The following CFAP95 variants were observed in gnomAD, a reference collection of about 807,000 sequenced individuals.
The protein encoded by CFAP95 is cilia and flagella associated protein 95.
chr9:69,868,598 C>T, the CFAP95 span, among the ~76,000 whole-genome samples: 212 of 147,312 alleles, frequency 1.4e-3, 1 homozygote, highest in South Asian at 2.8e-3. Flanking sequence ...GCAGAGGTTG[C>T]AGTGAGCTGA....
chr9:69,895,559 G>A, the CFAP95 span, among the ~76,000 whole-genome samples: 1 of 151,502 alleles, frequency 6.6e-6, no homozygotes. Context: ...GTATCCTTTC[G>A]GATTAAAGAC....
chr9:69,856,635 A>G, the CFAP95 span: 16 of 1,612,654 alleles, frequency 9.9e-6, no homozygotes, highest in Non-Finnish European at 1.3e-5. Context: ...GCAAGGCTTT[A>G]TTGAATGAGG....
chr9:69,906,028 T>C, the CFAP95 span: 40 of 1,613,320 alleles, frequency 2.5e-5, no homozygotes, highest in Middle Eastern at 1.6e-4. Context: ...TAAATGGTTC[T>C]AAAAGATTTG....
chr9:69,826,702 G>A, the CFAP95 span, among the ~76,000 whole-genome samples: 8 of 152,232 alleles, frequency 5.3e-5, no homozygotes, highest in Admixed American at 2.6e-4. Flanking sequence ...AAAATTTGAC[G>A]GGAGAGGGAA....
chr9:69,898,493 A>C, the CFAP95 span, among the ~76,000 whole-genome samples: 1 of 152,212 alleles, frequency 6.6e-6, no homozygotes, highest in African/African-American at 2.4e-5. Context: ...AAATGGCACA[A>C]GGAGCTTCCA....
At chr9:69,883,029 T>C in the CFAP95 span, among the ~76,000 whole-genome samples, 5 of 152,194 alleles carry the variant, frequency 3.3e-5, no homozygotes, top group Non-Finnish European at 7.3e-5. Context: ...TTGGTATCAG[T>C]TCTTTAAATG....
the CFAP95 span, among the ~76,000 whole-genome samples, chr9:69,897,956 A>T: frequency 1.3e-5 from 2 of 152,162 alleles, no homozygotes; most frequent in Admixed American, 6.5e-5. Context: ...TTTCTTAACC[A>T]ATCTTCTGAA....
the CFAP95 span, among the ~76,000 whole-genome samples, chr9:69,825,816 T>C: frequency 6.6e-6 from 1 of 152,200 alleles, no homozygotes; most frequent in Non-Finnish European, 1.5e-5. Context: ...AATTGACATC[T>C]GGTAACAAGT....
chr9:69,865,447 T>C, the CFAP95 span, among the ~76,000 whole-genome samples: 2 of 152,128 alleles, frequency 1.3e-5, no homozygotes, highest in Non-Finnish European at 2.9e-5. Flanking sequence ...GGAGCTTTCA[T>C]TTTTGTCTGG....
chr9:69,833,989 G>A, the CFAP95 span, among the ~76,000 whole-genome samples: 2 of 152,112 alleles, frequency 1.3e-5, no homozygotes, highest in African/African-American at 4.8e-5. Flanking sequence ...TAGATCTTAA[G>A]GTGACATAAT....
the CFAP95 span, chr9:69,856,472 G>A: frequency 1.4e-6 from 1 of 691,124 alleles, no homozygotes; most frequent in East Asian, 2.7e-5. Context: ...AAATCAGAAT[G>A]TACTTCAATA....
the CFAP95 span, among the ~76,000 whole-genome samples, chr9:69,872,772 C>G: frequency 6.6e-6 from 1 of 152,162 alleles, no homozygotes; most frequent in African/African-American, 2.4e-5. Context: ...ATCAATTGAG[C>G]CTAGAAGTTC....
the CFAP95 span, among the ~76,000 whole-genome samples, chr9:69,882,776 C>T: frequency 6.6e-6 from 1 of 152,122 alleles, no homozygotes; most frequent in Admixed American, 6.5e-5. Context: ...GTTGAACCAT[C>T]CTTGTGTCTC....
the CFAP95 span, among the ~76,000 whole-genome samples, chr9:69,832,541 C>T: frequency 7.4e-5 from 11 of 149,524 alleles, no homozygotes; most frequent in Admixed American, 5.4e-4. Context: ...TTTTTTTTCC[C>T]TACTAGTACT....
chr9:69,877,401 T>A, the CFAP95 span, among the ~76,000 whole-genome samples: 1 of 152,252 alleles, frequency 6.6e-6, no homozygotes, highest in African/African-American at 2.4e-5. Flanking sequence ...TTAAATTTTT[T>A]GGATGGAATA....
chr9:69,861,202 T>C, the CFAP95 span, among the ~76,000 whole-genome samples: 15 of 152,312 alleles, frequency 9.8e-5, no homozygotes, highest in Admixed American at 6.5e-4. Flanking sequence ...GGCAACAATG[T>C]CAATAGAAAT....
chr9:69,859,198 G>C, the CFAP95 span, among the ~76,000 whole-genome samples: 6 of 152,234 alleles, frequency 3.9e-5, no homozygotes, highest in Admixed American at 3.9e-4. Context: ...TTGTTTGAAT[G>C]TTGGATTTCT....
the CFAP95 span, among the ~76,000 whole-genome samples, chr9:69,842,027 T>G: frequency 6.6e-6 from 1 of 152,176 alleles, no homozygotes; most frequent in African/African-American, 2.4e-5. Context: ...GGTAATGTTT[T>G]CAGAACTGCT....
At chr9:69,886,275 G>A in the CFAP95 span, among the ~76,000 whole-genome samples, 45 of 152,264 alleles carry the variant, frequency 3.0e-4, no homozygotes, top group African/African-American at 1.0e-3. Flanking sequence ...AAGACGAGCT[G>A]TCAAGTGCTT....
Sources: gnomAD v4.1 joint callset for allele counts (sites outside exome capture counted in the v4.1 genomes callset) on GRCh38, gnomAD v4.1.1 for gene constraint, MANE v1.5 for transcripts, NCBI Gene and HGNC (gene_info 2026-07-23, HGNC 2026-07-21) for gene names.